PCDH19: variants seen among roughly 807,000 people sequenced by gnomAD.
PCDH19 encodes the protein protocadherin 19, also known as protocadherin-19.
PCDH19 carries 6 observed loss-of-function variants against 46.2 expected under a neutral mutation model. That is an observed-to-expected ratio of 0.13 (90% CI 0.07 to 0.26). The LOEUF (loss-of-function observed/expected upper bound fraction) is 0.26, where lower values mean the gene tolerates loss of function less well. Ranked by LOEUF, PCDH19 falls within the 10% of genes least tolerant of loss-of-function variation. The probability of loss-of-function intolerance (pLI) is 1.00; values close to 1 mark genes in which losing one functional copy is unlikely to be tolerated. For synonymous variants in PCDH19, 481 were observed against 415.7 expected (o/e 1.16, Z -1.91); for missense variants, 740 against 972.3 (o/e 0.76, Z 3.18).
At chrX:100,396,030 G>A (rs781660395) in intron 3 of PCDH19, among the ~76,000 whole-genome samples, 29 of 111,582 alleles carry the variant, frequency 2.6e-4, no homozygotes, top group Admixed American at 2.2e-3. Context: ...CTGCTCCAGA[G>A]CCATCCTCCC....
intron 3 of PCDH19, among the ~76,000 whole-genome samples, chrX:100,381,052 G>T (rs969734891): frequency 8.9e-6 from 1 of 111,822 alleles, no homozygotes; most frequent in South Asian, 3.7e-4. Context: ...GACCTTTCTG[G>T]TTCTAAGCAA....
intron 3 of PCDH19, among the ~76,000 whole-genome samples, chrX:100,375,327 T>C (rs1219066818): frequency 7.2e-5 from 8 of 111,878 alleles, no homozygotes; most frequent in African/African-American, 2.6e-4. Flanking sequence ...AATTCCCACC[T>C]GAGTGAGAAC....
chrX:100,405,427 C>T (rs772154155), intron 1 of PCDH19, among the ~76,000 whole-genome samples: 6 of 112,300 alleles, frequency 5.3e-5, no homozygotes, highest in Non-Finnish European at 9.4e-5. Context: ...AATGCTTAGA[C>T]TTATGTGCTC....
At chrX:100,332,938 GC>G (rs1925921480) in intron 5 of PCDH19, among the ~76,000 whole-genome samples, 1 of 107,955 alleles carries the variant, frequency 9.3e-6, no homozygotes, top group East Asian at 2.9e-4. Flanking sequence ...GGAGGTCAAG[GC>G]TGCAGTGAGC....
chrX:100,324,952 C>T (rs1223211109), intron 5 of PCDH19, among the ~76,000 whole-genome samples: 1 of 111,112 alleles, frequency 9.0e-6, no homozygotes, highest in Non-Finnish European at 1.9e-5. Context: ...GGACAAGTAA[C>T]TTGTTTATAG....
intron 3 of PCDH19, 28 bp from the exon 4 acceptor site, chrX:100,350,732 G>A: frequency 1.1e-5 from 11 of 966,679 alleles, no homozygotes; most frequent in Non-Finnish European, 1.6e-5. Context: ...AATTAAAAAG[G>A]TTACACAGAT....
At chrX:100,299,051 GT>G (rs1356280702) in intron 5 of PCDH19, among the ~76,000 whole-genome samples, 1 of 111,394 alleles carries the variant, frequency 9.0e-6, no homozygotes, top group African/African-American at 3.3e-5. Context: ...GCAGTTGCAG[GT>G]GGGGGAAAAG....
intron 3 of PCDH19, among the ~76,000 whole-genome samples, chrX:100,374,204 A>G (rs1306030629): frequency 1.8e-5 from 2 of 112,823 alleles, no homozygotes; most frequent in African/African-American, 3.2e-5. Flanking sequence ...TTCATAAGAC[A>G]TATTTGTATG....
chrX:100,346,495 C>T (rs1470654595), intron 4 of PCDH19, among the ~76,000 whole-genome samples: 1 of 111,860 alleles, frequency 8.9e-6, no homozygotes, highest in African/African-American at 3.2e-5. Context: ...AGCATACCTG[C>T]GTTTAACAAG....
intron 5 of PCDH19, among the ~76,000 whole-genome samples, chrX:100,317,167 A>C (rs1405543437): frequency 9.0e-6 from 1 of 111,570 alleles, no homozygotes; most frequent in African/African-American, 3.3e-5. Context: ...TGTGGACTGA[A>C]GTGGGTGGAA....
intron 3 of PCDH19, among the ~76,000 whole-genome samples, chrX:100,352,327 A>G (rs1021518955): frequency 8.9e-6 from 1 of 112,678 alleles, no homozygotes; most frequent in African/African-American, 3.2e-5. Flanking sequence ...TCCAACAGTC[A>G]GTCAACCAAC....
intron 3 of PCDH19, among the ~76,000 whole-genome samples, chrX:100,363,204 T>C (rs1926947280): frequency 9.2e-6 from 1 of 108,605 alleles, no homozygotes; most frequent in Non-Finnish European, 1.9e-5. Flanking sequence ...CGCGGGAGGC[T>C]GAGGCAGGAG....
At position 100,402,475 on chromosome X, in the gene PCDH19, A is replaced by G. The variant is rs140347413; in HGVS notation, c.2616+49T>C. On this transcript the variant is annotated intron_variant, in intron 3 of 5. Transcript: ENST00000373034. Reference sequence around the variant, plus strand: ...AGCTTATGGTATCCAGCGAGCAGCTAAAGAAGGAGACCTGGGAGAACCTCA... The same window carrying G: ...AGCTTATGGTATCCAGCGAGCAGCTGAAGAAGGAGACCTGGGAGAACCTCA... 8,553 of 1,066,131 alleles carry G rather than the reference A, an allele frequency of 8.0e-3. 34 individuals carry two copies. The highest frequency in any genetic ancestry group is 9.8e-3 in the Non-Finnish European group (7,492 of 766,144). The allele number at this position is 1,066,131 out of a possible 1,213,427, so 87.9% of individuals were successfully genotyped here.
intron 5 of PCDH19, among the ~76,000 whole-genome samples, chrX:100,332,962 A>G (rs1162374659): frequency 9.3e-6 from 1 of 107,414 alleles, no homozygotes; most frequent in African/African-American, 3.4e-5. Flanking sequence ...TGATCGCACC[A>G]CTGCAGTCCA....
chrX:100,400,324 G>A (rs957144582), intron 3 of PCDH19, among the ~76,000 whole-genome samples: 1 of 112,414 alleles, frequency 8.9e-6, no homozygotes, highest in Non-Finnish European at 1.9e-5. Context: ...GTATAGTGAA[G>A]AGGTCTACTA....
intron 5 of PCDH19, among the ~76,000 whole-genome samples, chrX:100,338,214 C>T (rs1177525031): frequency 3.7e-5 from 4 of 107,811 alleles, no homozygotes; most frequent in African/African-American, 1.0e-4. Context: ...TAGTGGCGGG[C>T]GCCTGTAGTC....
chrX:100,403,375 G>T, intron 2 of PCDH19, 149 bp downstream of exon 2: 2 of 531,810 alleles, frequency 3.8e-6, no homozygotes, highest in South Asian at 2.9e-5. Context: ...TTGGACTGGG[G>T]TAGGAGATCA....
intron 1 of PCDH19, among the ~76,000 whole-genome samples, chrX:100,406,208 T>C (rs1377073482): frequency 1.8e-5 from 2 of 111,972 alleles, no homozygotes; most frequent in Non-Finnish European, 3.8e-5. Flanking sequence ...ATAATTGCGT[T>C]TCTGCTCACC....
intron 5 of PCDH19, among the ~76,000 whole-genome samples, chrX:100,339,832 A>G (rs1926200698): frequency 8.9e-6 from 1 of 112,506 alleles, no homozygotes; most frequent in South Asian, 3.7e-4. Context: ...AATAATAGAA[A>G]AAATGAAGAT....
Sources: allele counts gnomAD v4.1 joint callset (sites outside exome capture counted in the v4.1 genomes callset), GRCh38; gene constraint gnomAD v4.1.1; transcripts MANE v1.5; gene names NCBI Gene and HGNC (gene_info 2026-07-23, HGNC 2026-07-21).